The following NCALD variants were observed in gnomAD, a reference collection of about 807,000 sequenced individuals.
NCALD encodes the protein neurocalcin delta, also known as neurocalcin-delta.
Under a neutral mutation model 18.6 loss-of-function variants are expected in NCALD, and 10 were observed. The ratio of observed to expected loss-of-function variants is 0.54; its 90% CI spans 0.33 to 0.91. NCALD has a LOEUF of 0.91. NCALD is among the 40% of genes least tolerant of loss of function. The pLI is 0.03. For missense variants in NCALD, 184 were observed against 247.6 expected, an observed-to-expected ratio of 0.74 and a Z score of 1.72; for synonymous variants, 88 against 87.4, an observed-to-expected ratio of 1.01 and a Z score of -0.04.
rs1814721773 is a variant in NCALD, at chr8:101,691,348, C to T, written c.484+1443G>A. On this transcript the variant is annotated intron_variant, in intron 3 of 3. Transcript: ENST00000220931. ...CAGGTCTTTAGCAGTAAGTTGTGCT[C>T]TGAGAATGCTAACTCAGTCAGGGCT... 5.1e-6 allele frequency: 5 copies of T among 985,386 alleles called. No homozygotes were observed. In the South Asian group the frequency reaches 2.3e-4, roughly 46 times the overall value. The allele number at this position is 985,386 out of a possible 1,614,324, so 61.0% of individuals were successfully genotyped here. A position where few individuals can be genotyped will look rare whatever the true frequency, so the allele number is the denominator to read the frequency against.
Position 102,034,015 on chromosome 8 carries a change from T to TACACACACACACAC in NCALD, c.-209-13740_-209-13727dup, listed in dbSNP as rs34381236. Among the ~76,000 whole-genome samples the TACACACACACACAC allele has an allele frequency of 7.7e-3, 1,136 of 147,966 alleles. 12 individuals carry two copies. Among genetic ancestry groups the TACACACACACACAC allele is most frequent in the African/African-American group, 0.027 (1,088 of 40,172 alleles). Reference sequence around the variant, plus strand: ...TTGCTCTCTCTCTCCTCCCTCTAAATACACACACACACACACACACACACA... The same window carrying TACACACACACACAC: ...TTGCTCTCTCTCTCCTCCCTCTAAATACACACACACACACACACACACACACACACACACACACA... On this transcript the variant is annotated intron_variant, in intron 1 of 6. Transcript: ENST00000311028.
chr8:102,048,889 C>T (rs1418875457), intron 1 of NCALD, among the ~76,000 whole-genome samples: 1 of 152,216 alleles, frequency 6.6e-6, no homozygotes, highest in East Asian at 1.9e-4. Context: ...CTGCCTCTAA[C>T]TCAACTTTTC....
At chr8:101,917,586 C>T (rs1281115850) in intron 2 of NCALD, among the ~76,000 whole-genome samples, 1 of 140,444 alleles carries the variant, frequency 7.1e-6, no homozygotes, top group Non-Finnish European at 1.5e-5. Flanking sequence ...AGACCATTAG[C>T]TAGATTAACA....
chr8:101,770,466 T>C (rs1268975603), intron 1 of NCALD, among the ~76,000 whole-genome samples: 2 of 152,222 alleles, frequency 1.3e-5, no homozygotes, highest in Non-Finnish European at 2.9e-5. Flanking sequence ...TACTCTCTGA[T>C]GGTAATGCTT....
At chr8:101,811,922 T>C (rs996887233) in intron 4 of NCALD, among the ~76,000 whole-genome samples, 1 of 152,222 alleles carries the variant, frequency 6.6e-6, no homozygotes, top group African/African-American at 2.4e-5. Context: ...GAGAACGTGC[T>C]AAACACAAGC....
In NCALD at chr8:102,100,150, T is replaced by G. The variant is rs1263724269; in HGVS notation, c.-210+24087A>C. Among the ~76,000 whole-genome samples the G allele has an allele frequency of 2.0e-5, 3 of 152,300 alleles. No homozygotes were observed. The East Asian group carries it at 5.8e-4, about 29-fold the overall frequency. ...AGAAATAAAACCTAAATTATTTTCA[T>G]ATTCCTCATTTATCAACACTTACAA... On this transcript the variant is annotated intron_variant, in intron 1 of 6. Transcript: ENST00000311028.
At chr8:101,941,681 T>C (rs977877164) in intron 2 of NCALD, among the ~76,000 whole-genome samples, 2 of 152,220 alleles carry the variant, frequency 1.3e-5, no homozygotes, top group African/African-American at 2.4e-5. Context: ...ACATTTGTCA[T>C]ATGTAGGCAC....
At chr8:101,794,556 G>A (rs962118839), upstream of NCALD, among the ~76,000 whole-genome samples, 34 of 152,304 alleles carry the variant, frequency 2.2e-4, no homozygotes, top group Admixed American at 1.7e-3. Context: ...GTACATGTAA[G>A]TTATATGTGG....
intron 1 of NCALD, chr8:102,124,144 C>G (rs1826035522): frequency 6.6e-6 from 1 of 151,950 alleles, no homozygotes; most frequent in Non-Finnish European, 1.5e-5. Context: ...CGCACGGGTC[C>G]CCCCCAGCAG....
At chr8:101,856,577 T>C (rs1304163176) in intron 4 of NCALD, among the ~76,000 whole-genome samples, 2 of 152,194 alleles carry the variant, frequency 1.3e-5, no homozygotes, top group African/African-American at 4.8e-5. Context: ...AGAAAACTGC[T>C]AGTCTAAGTG....
intron 2 of NCALD, among the ~76,000 whole-genome samples, chr8:101,981,692 T>C (rs543500199): frequency 6.6e-6 from 1 of 152,358 alleles, no homozygotes; most frequent in South Asian, 2.1e-4. Flanking sequence ...CCTGTGAATC[T>C]TTTTATGGCT....
chr8:101,717,686 A>G (rs1171595853), intron 2 of NCALD, among the ~76,000 whole-genome samples: 1 of 152,010 alleles, frequency 6.6e-6, no homozygotes, highest in Non-Finnish European at 1.5e-5. Context: ...ACCAGCTACA[A>G]CAAAGAAAAG....
intron 1 of NCALD, among the ~76,000 whole-genome samples, chr8:101,722,293 T>C (rs541507667): frequency 6.6e-6 from 1 of 152,232 alleles, no homozygotes; most frequent in African/African-American, 2.4e-5. Flanking sequence ...AAAAACAGAG[T>C]TACAGAGGCT....
At chr8:102,006,986 TG>T (rs1821737227) in intron 2 of NCALD, among the ~76,000 whole-genome samples, 1 of 152,180 alleles carries the variant, frequency 6.6e-6, no homozygotes. Flanking sequence ...AGGTGTGCCC[TG>T]GCTTTGAAAG....
At chr8:102,064,807 T>C (rs1823952326) in intron 1 of NCALD, among the ~76,000 whole-genome samples, 3 of 152,008 alleles carry the variant, frequency 2.0e-5, no homozygotes, top group South Asian at 4.1e-4. Flanking sequence ...GTGTGCAAAG[T>C]TGAGTGTTAT....
chr8:101,893,107 C>G (rs1164687282), intron 3 of NCALD, among the ~76,000 whole-genome samples: 5 of 151,512 alleles, frequency 3.3e-5, no homozygotes, highest in African/African-American at 1.2e-4. Flanking sequence ...TAAGGGCAGC[C>G]AGAGAGAAAG....
At chr8:101,740,598 A>C (rs1246384632) in intron 1 of NCALD, among the ~76,000 whole-genome samples, 1 of 152,356 alleles carries the variant, frequency 6.6e-6, no homozygotes, top group Admixed American at 6.5e-5. Flanking sequence ...GCTATTTACT[A>C]TCTGGTTACT....
chr8:101,847,009 A>G lies in NCALD; in HGVS notation c.-20+40132T>C, dbSNP rs139616519. On this transcript the variant is annotated intron_variant, in intron 4 of 6. Transcript: ENST00000311028. ...CTTTCTTCTTTACCAACAGAACACC[A>G]ATTTTATTAACAATATATCCAGCCT... 1.8e-3 allele frequency among the ~76,000 whole-genome samples: 275 copies of G among 152,186 alleles called. 1 individual carries two copies. Among genetic ancestry groups the G allele is most frequent in the East Asian group, 5.0e-3 (26 of 5,178 alleles).
At chr8:102,042,482 T>G (rs1893532) in intron 1 of NCALD, among the ~76,000 whole-genome samples, 57,775 of 151,612 alleles carry the variant, frequency 0.38, 11,603 homozygotes, top group African/African-American at 0.41. Context: ...CACTGCGGCT[T>G]CTGACATGAG....
Sources: gnomAD v4.1 joint callset for allele counts (sites outside exome capture counted in the v4.1 genomes callset) on GRCh38, gnomAD v4.1.1 for gene constraint, MANE v1.5 for transcripts, NCBI Gene and HGNC (gene_info 2026-07-23, HGNC 2026-07-21) for gene names.